The following ANKRD54 variants were observed in gnomAD, a reference collection of about 807,000 sequenced individuals.
ANKRD54 encodes the protein ankyrin repeat domain-containing protein 54.
In ANKRD54, 26 loss-of-function variants were observed where a neutral mutation model predicts 36.2. That is an observed-to-expected ratio of 0.72 (90% CI 0.53 to 1.00). The LOEUF (loss-of-function observed/expected upper bound fraction) is 1.00. Among genes scored for constraint, ANKRD54 ranks in the 50% least tolerant of loss-of-function variants. The probability of loss-of-function intolerance (pLI) is 0.00; values close to 1 mark genes in which losing one functional copy is unlikely to be tolerated. For synonymous variants in ANKRD54, 209 were observed against 188.4 expected (o/e 1.11, Z -0.89); for missense variants, 384 against 424.3 (o/e 0.91, Z 0.83).
intron 1 of ANKRD54, among the ~76,000 whole-genome samples, chr22:37,842,642 T>C (rs1924421587): frequency 6.6e-6 from 1 of 152,262 alleles, no homozygotes. Context: ...GTCTTTGTCA[T>C]CGGAGATATG....
rs532063231 is a variant in ANKRD54 at position 37,831,549 on chromosome 22, C to A, written c.*394G>T. ...CACAGGGTGCCCGCCTAAGCCCACA[C>A]CTGCTGACTGCAACAAGCCCATGGC... On this transcript the variant is annotated 3_prime_UTR_variant, in exon 8 of 8. Coordinates refer to ENST00000215941, the MANE Select transcript of ANKRD54 (RefSeq NM_138797.4). 3 of 202,004 alleles carry A rather than the reference C, an allele frequency of 1.5e-5. No homozygotes were observed. In the South Asian group the frequency reaches 3.3e-4, roughly 22 times the overall value. 12.5% of individuals were successfully genotyped at this position (202,004 alleles called of 1,614,324 possible).
intron 3 of ANKRD54, 21 bp downstream of exon 3, chr22:37,838,463 GCCTAGCCCTACTCCCT>G (rs1569098399): frequency 6.3e-7 from 1 of 1,575,282 alleles, no homozygotes; most frequent in Non-Finnish European, 8.6e-7. Context: ...GACACTACTT[GCCTAGCCCTACTCCCT>G]CCTCCCTCCC....
At chr22:37,839,480 C>T (rs1321475610) in intron 2 of ANKRD54, among the ~76,000 whole-genome samples, 2 of 152,146 alleles carry the variant, frequency 1.3e-5, no homozygotes, top group Non-Finnish European at 2.9e-5. Context: ...CTCTGTCTCC[C>T]AGGTTCACAC....
chr22:37,836,447 C>CAAAAAAAAAAAAAAAAAAA (rs760828902), intron 3 of ANKRD54, among the ~76,000 whole-genome samples: 1 of 22,638 alleles, frequency 4.4e-5, no homozygotes, highest in Admixed American at 4.7e-4. Context: ...AACTCTGTCT[C>CAAAAAAAAAAAAAAAAAAA]AAAAAAAAAA....
chr22:37,843,426 AAAGAT>A (rs1260367237), intron 1 of ANKRD54, among the ~76,000 whole-genome samples: 2 of 152,110 alleles, frequency 1.3e-5, no homozygotes, highest in African/African-American at 4.8e-5. Context: ...CCGTCTCCAA[AAAGAT>A]AATAATAATA....
intron 2 of ANKRD54, 66 bp from the exon 3 acceptor site, chr22:37,838,664 G>A (rs531932143): frequency 1.6e-5 from 24 of 1,497,068 alleles, no homozygotes; most frequent in Middle Eastern, 1.7e-4. Flanking sequence ...CTGCAGACCC[G>A]AGCGATGGAG....
chr22:37,843,097 C>T (rs144702883), intron 1 of ANKRD54, among the ~76,000 whole-genome samples: 286 of 152,324 alleles, frequency 1.9e-3, no homozygotes, highest in African/African-American at 6.5e-3. Context: ...CATCCATTAC[C>T]TTACTTAACT....
intron 2 of ANKRD54, 122 bp from the exon 3 acceptor site, chr22:37,838,720 G>A (rs1263307018): frequency 1.1e-6 from 1 of 899,528 alleles, no homozygotes; most frequent in Non-Finnish European, 1.7e-6. Context: ...ACAATGCATA[G>A]GAAAGCAGCC....
intron 3 of ANKRD54, 45 bp from the exon 4 acceptor site, chr22:37,833,800 G>T (rs2145959403): frequency 6.3e-7 from 1 of 1,590,490 alleles, no homozygotes; most frequent in African/African-American, 1.3e-5. Flanking sequence ...GGCTTCCATT[G>T]CCTGCACCCT....
chr22:37,847,011 G>A (rs1924875734), upstream of ANKRD54, among the ~76,000 whole-genome samples: 1 of 150,754 alleles, frequency 6.6e-6, no homozygotes, highest in Non-Finnish European at 1.5e-5. Flanking sequence ...CCGCCACTAC[G>A]CCCGGCTAAT....
chr22:37,847,162 T>C (rs1365133485), upstream of ANKRD54, among the ~76,000 whole-genome samples: 3 of 149,086 alleles, frequency 2.0e-5, no homozygotes, highest in Admixed American at 6.7e-5. Flanking sequence ...CAATTTCTTT[T>C]CTTTTTTCTT....
rs1188522884 is a variant in ANKRD54, at chr22:37,844,128, G to A, written c.111C>T (p.Phe37=). The A allele has an allele frequency of 2.0e-6, 3 of 1,494,252 alleles. No homozygotes were observed. Among genetic ancestry groups the A allele is most frequent in the African/African-American group, 1.5e-5 (1 of 68,498 alleles). 92.6% of individuals were successfully genotyped at this position (1,494,252 alleles called of 1,614,324 possible). A position where few individuals can be genotyped will look rare whatever the true frequency, so the allele number is the denominator to read the frequency against. The change falls in exon 1 of 8, where the codon TTC becomes TTT. Residue 37 remains phenylalanine, a synonymous_variant. Transcript: ENST00000215941. ...PEPLTDAEGL[F]SFADFGSALG... Reference sequence around the variant, plus strand: ...GCGCAGACCCGAAGTCAGCGAAGGAGAAGAGGCCCTCAGCGTCAGTCAGCG... The same window carrying A: ...GCGCAGACCCGAAGTCAGCGAAGGAAAAGAGGCCCTCAGCGTCAGTCAGCG...
At chr22:37,840,057 CAATA>C in intron 2 of ANKRD54, 126 bp downstream of exon 2, 1 of 1,070,576 alleles carries the variant, frequency 9.3e-7, no homozygotes, top group Non-Finnish European at 1.4e-6. Context: ...CACAGTCAGA[CAATA>C]AATACAGTGA....
In ANKRD54 at chr22:37,833,004, T is replaced by C; in HGVS notation, c.674A>G (p.Glu225Gly). 1 of 1,614,126 alleles carries C rather than the reference T, an allele frequency of 6.2e-7. No individual in the cohort carries two copies. The highest frequency in any genetic ancestry group is 8.5e-7 in the Non-Finnish European group (1 of 1,180,032). ...LAKSKLNILQ[E>G]GHAQCLEAVR... ...AGCCTCTAGGCACTGGGCATGGCCC[T>C]CCTGCAGGATATTCAGCTTTGACTT... is the stretch of plus-strand genomic sequence containing the variant. The change falls in exon 6 of 8, where the codon GAG becomes GGG. Residue 225 changes from glutamate to glycine, a missense_variant. Around this residue, in one of 3 missense-constraint regions of ANKRD54, gnomAD observed 179 missense variants for 224.0 expected, o/e 0.80. Coordinates refer to ENST00000215941, the MANE Select transcript of ANKRD54 (RefSeq NM_138797.4).
intron 1 of ANKRD54, 46 bp downstream of exon 1, chr22:37,843,865 C>T: frequency 2.5e-6 from 3 of 1,183,232 alleles, no homozygotes; most frequent in East Asian, 7.4e-5. Flanking sequence ...CCGCCCCTCG[C>T]CCGGGCTGCC....
upstream of ANKRD54, among the ~76,000 whole-genome samples, chr22:37,847,350 C>T (rs1441149809): frequency 6.6e-6 from 1 of 151,728 alleles, no homozygotes; most frequent in African/African-American, 2.4e-5. Flanking sequence ...TTAGTAGAGA[C>T]GGGGTTTCAC....
chr22:37,845,121 T>C (rs1924760540), upstream of ANKRD54, among the ~76,000 whole-genome samples: 2 of 151,266 alleles, frequency 1.3e-5, no homozygotes, highest in African/African-American at 4.9e-5. Context: ...CTGTGAGTAA[T>C]AGTGTCTAAA....
upstream of ANKRD54, among the ~76,000 whole-genome samples, chr22:37,844,957 T>C (rs1924747628): frequency 7.0e-6 from 1 of 142,838 alleles, no homozygotes; most frequent in South Asian, 2.3e-4. Flanking sequence ...TTGCAGGCAC[T>C]CACAAAGGAA....
At chr22:37,835,566 G>A (rs1923416571) in intron 3 of ANKRD54, among the ~76,000 whole-genome samples, 1 of 152,138 alleles carries the variant, frequency 6.6e-6, no homozygotes, top group Non-Finnish European at 1.5e-5. Context: ...CAATACTTTG[G>A]GAGGCCAAGG....
Sources: gnomAD v4.1 joint callset for allele counts (sites outside exome capture counted in the v4.1 genomes callset) on GRCh38, gnomAD v4.1.1 for gene constraint, gnomAD v4.1.1 regional missense constraint, MANE v1.5 for transcripts, NCBI Gene and HGNC (gene_info 2026-07-23, HGNC 2026-07-21) for gene names.